The following LRRC75B variants were observed in gnomAD, a reference collection of about 807,000 sequenced individuals.
The protein encoded by LRRC75B is leucine rich repeat containing 75B.
Under a neutral mutation model 16.5 loss-of-function variants are expected in LRRC75B, and 20 were observed. That is an observed-to-expected ratio of 1.21 (90% CI 0.85 to 1.76). The LOEUF is 1.76. Among genes scored for constraint, LRRC75B ranks in the 40% most tolerant of loss-of-function variants. LRRC75B has a pLI of 0.00. For synonymous variants in LRRC75B, 199 were observed against 198.1 expected (o/e 1.00, Z -0.04); for missense variants, 406 against 417.0 (o/e 0.97, Z 0.23).
In LRRC75B at chr22:24,586,976, A is replaced by G. The variant is rs143134305; in HGVS notation, c.423-565T>C. Among the ~76,000 whole-genome samples the G allele has an allele frequency of 3.2e-4, 49 of 152,180 alleles. No individual in the cohort carries two copies. The East Asian group carries it at 9.3e-3, about 29-fold the overall frequency. On this transcript the variant is annotated intron_variant, in intron 3 of 3. Transcript: ENST00000318753. ...TTCATGAACTATTATTTGAAATCTC[A>G]CTGTGTGCCCAGCATCCCACACCTG... is the stretch of plus-strand genomic sequence containing the variant.
At chr22:24,592,425 T>G (rs920900334) in intron 1 of LRRC75B, 2 of 470,472 alleles carry the variant, frequency 4.3e-6, no homozygotes, top group South Asian at 3.1e-5. Context: ...TCCCGGATCC[T>G]GGAGGAGGGG....
chr22:24,592,545 A>T, intron 1 of LRRC75B: 1 of 440,678 alleles, frequency 2.3e-6, no homozygotes, highest in Non-Finnish European at 4.4e-6. Flanking sequence ...TCTTAGGTCC[A>T]GGCTACCGGG....
intron 1 of LRRC75B, among the ~76,000 whole-genome samples, chr22:24,591,392 T>C (rs2045563245): frequency 6.6e-6 from 1 of 152,218 alleles, no homozygotes; most frequent in Non-Finnish European, 1.5e-5. Flanking sequence ...AGGGTCTCTT[T>C]AGAGGACATT....
At position 24,593,013 on chromosome 22, in the gene LRRC75B, G is replaced by A; in HGVS notation, c.27C>T (p.Ala9=). MGARLGRR[A]GPEAGSEAGA... Reference sequence around the variant, plus strand: ...CGGCCTCAGAGCCAGCCTCGGGCCCGGCCCGCCGGCCCAGCCGCGCCCCCA... The same window carrying A: ...CGGCCTCAGAGCCAGCCTCGGGCCCAGCCCGCCGGCCCAGCCGCGCCCCCA... Residue 9 remains alanine, a synonymous_variant, in exon 1 of 4, where the codon GCC becomes GCT. Transcript: ENST00000318753. 9.2e-7 allele frequency: 1 copy of A among 1,091,986 alleles called. No individual in the cohort carries two copies. Among genetic ancestry groups the A allele is most frequent in the Non-Finnish European group, 1.1e-6 (1 of 899,562 alleles). 67.6% of individuals were successfully genotyped at this position (1,091,986 alleles called of 1,614,324 possible). A position where few individuals can be genotyped will look rare whatever the true frequency, so the allele number is the denominator to read the frequency against.
At chr22:24,589,065 G>A (rs2045488248) in intron 2 of LRRC75B, 1 of 1,035,002 alleles carries the variant, frequency 9.7e-7, no homozygotes, top group Non-Finnish European at 1.2e-6. Context: ...TGGGCTAGGC[G>A]CAGAGTCCTA....
Position 24,592,625 on chromosome 22 carries a change from C to A in LRRC75B, c.177+238G>T, listed in dbSNP as rs1352491201. The A allele has an allele frequency of 1.5e-5, 9 of 586,764 alleles. No homozygotes were observed. In the East Asian group the frequency reaches 3.5e-4, roughly 23 times the overall value. 36.3% of individuals were successfully genotyped at this position (586,764 alleles called of 1,614,324 possible). On this transcript the variant is annotated intron_variant, in intron 1 of 3. Coordinates refer to ENST00000318753, the MANE Select transcript of LRRC75B (RefSeq NM_207644.3). Reference sequence around the variant, plus strand: ...ACACACTCAGCAGCCCCCTCCTCCACACGGTCCGCCGACCTCACCCAGCCC... The same window carrying A: ...ACACACTCAGCAGCCCCCTCCTCCAAACGGTCCGCCGACCTCACCCAGCCC...
chr22:24,589,094 A>T, intron 2 of LRRC75B: 1 of 1,096,570 alleles, frequency 9.1e-7, no homozygotes. Context: ...CTGTGCAGAG[A>T]CCTGGGCATT....
intron 2 of LRRC75B, 55 bp from the exon 3 acceptor site, chr22:24,588,384 G>A: frequency 7.1e-7 from 1 of 1,402,654 alleles, no homozygotes; most frequent in Non-Finnish European, 1.0e-6. Context: ...CCCACCTCAG[G>A]GCCTTGGGGA....
rs1406743240 is a variant in LRRC75B at position 24,586,147 on chromosome 22, A to C, written c.687T>G (p.Thr229=). ...ACTTGGTGGTGTCCTTGATGGCATC[A>C]GTGAGCTTGCGGGCAGTGGCCCGCG... The part of the protein sequence containing the change: ...RLTRATARKL[T]DAIKDTTKFP... Residue 229 remains threonine, a synonymous_variant, in exon 4 of 4, where the codon ACT becomes ACG. Coordinates refer to ENST00000318753, the MANE Select transcript of LRRC75B (RefSeq NM_207644.3). 2.5e-6 allele frequency: 4 copies of C among 1,613,388 alleles called. No homozygotes were observed. Among genetic ancestry groups the C allele is most frequent in the Non-Finnish European group, 3.4e-6 (4 of 1,179,980 alleles).
At chr22:24,588,429 C>T (rs1569036449) in intron 2 of LRRC75B, 100 bp from the exon 3 acceptor site, 6 of 912,686 alleles carry the variant, frequency 6.6e-6, no homozygotes, top group South Asian at 4.4e-5. Context: ...TGTGTGAGCA[C>T]AGTCATGCAC....
At chr22:24,589,328 AC>A in intron 2 of LRRC75B, 2 of 1,167,090 alleles carry the variant, frequency 1.7e-6, no homozygotes, top group Non-Finnish European at 2.2e-6. Flanking sequence ...CTTGCTTATG[AC>A]CCCAGCTGTT....
chr22:24,586,417 GGA>G lies in LRRC75B; in HGVS notation c.423-8_423-7del, dbSNP rs1233382966. The G allele has an allele frequency of 6.2e-7, 1 of 1,604,662 alleles. No homozygotes were observed. Among genetic ancestry groups the G allele is most frequent in the Non-Finnish European group, 8.5e-7 (1 of 1,174,284 alleles). The stretch of plus-strand genomic sequence containing the variant: ...TCTGGAGGCTGCTCTTGAGGCTATG[GGA>G]GAGTGGCAGGTGGGGATGGACTAGG... On this transcript the variant is annotated splice_region_variant and splice_polypyrimidine_tract_variant and intron_variant, in intron 3 of 3. Coordinates refer to ENST00000318753, the MANE Select transcript of LRRC75B (RefSeq NM_207644.3).
intron 3 of LRRC75B, among the ~76,000 whole-genome samples, chr22:24,587,739 G>A (rs2045440357): frequency 6.6e-6 from 1 of 152,214 alleles, no homozygotes; most frequent in African/African-American, 2.4e-5. Flanking sequence ...CAGTGGCAAA[G>A]AATTCCCAAC....
Position 24,586,180 on chromosome 22 carries a change from G to A in LRRC75B, c.654C>T (p.Asn218=). The A allele has an allele frequency of 6.2e-7, 1 of 1,613,728 alleles. No homozygotes were observed. Among genetic ancestry groups the A allele is most frequent in the Non-Finnish European group, 8.5e-7 (1 of 1,179,998 alleles). Reference sequence around the variant, plus strand: ...TGCGGGCAGTGGCCCGCGTCAGTCGGTTGCCGTTGAGCAGGAGCTGGGTGA... The same window carrying A: ...TGCGGGCAGTGGCCCGCGTCAGTCGATTGCCGTTGAGCAGGAGCTGGGTGA... ...PRLTQLLLNG[N]RLTRATARKL... Residue 218 remains asparagine, a synonymous_variant, in exon 4 of 4, where the codon AAC becomes AAT. Coordinates refer to ENST00000318753, the MANE Select transcript of LRRC75B (RefSeq NM_207644.3).
chr22:24,586,175 A>T lies in LRRC75B; in HGVS notation c.659T>A (p.Leu220Gln). Reference protein sequence around the residue: ...LTQLLLNGNRLTRATARKLTD... With the variant: ...LTQLLLNGNRQTRATARKLTD... ...GAGCTTGCGGGCAGTGGCCCGCGTC[A>T]GTCGGTTGCCGTTGAGCAGGAGCTG... The change falls in exon 4 of 4, where the codon CTG becomes CAG. Residue 220 changes from leucine (L) to glutamine (Q), a missense_variant. Physicochemically the swap from Leu to Gln is moderately radical, Grantham distance 113. Transcript: ENST00000318753. 2.5e-6 allele frequency: 4 copies of T among 1,613,700 alleles called. No individual in the cohort carries two copies. Among genetic ancestry groups the T allele is most frequent in the Non-Finnish European group, 3.4e-6 (4 of 1,179,982 alleles).
chr22:24,586,134 C>T lies in LRRC75B; in HGVS notation c.700G>A (p.Asp234Asn). Residue 234 changes from aspartate (D) to asparagine (N), a missense_variant, in exon 4 of 4, where the codon GAC becomes AAC. Asp to Asn is a conservative substitution (Grantham distance 23). Transcript: ENST00000318753. ...GCCAAAGCAGGGAACTTGGTGGTGTCCTTGATGGCATCAGTGAGCTTGCGG... is the reference window on the plus strand; with the variant it reads ...GCCAAAGCAGGGAACTTGGTGGTGTTCTTGATGGCATCAGTGAGCTTGCGG... Reference protein sequence around the residue: ...TARKLTDAIKDTTKFPALAWV... With the variant: ...TARKLTDAIKNTTKFPALAWV... 1 of 1,613,342 alleles carries T rather than the reference C, an allele frequency of 6.2e-7. No homozygotes were observed. The highest frequency in any genetic ancestry group is 8.5e-7 in the Non-Finnish European group (1 of 1,179,972).
At position 24,586,140 on chromosome 22, in the gene LRRC75B, T is replaced by C. The variant is rs2045385393; in HGVS notation, c.694A>G (p.Ile232Val). Reference sequence around the variant, plus strand: ...GCAGGGAACTTGGTGGTGTCCTTGATGGCATCAGTGAGCTTGCGGGCAGTG... The same window carrying C: ...GCAGGGAACTTGGTGGTGTCCTTGACGGCATCAGTGAGCTTGCGGGCAGTG... ...RATARKLTDAIKDTTKFPALA... is the reference protein window; with the variant it reads ...RATARKLTDAVKDTTKFPALA... The change falls in exon 4 of 4, where the codon ATC becomes GTC. Residue 232 changes from isoleucine to valine, a missense_variant. Transcript: ENST00000318753. The C allele has an allele frequency of 1.2e-6, 2 of 1,613,276 alleles. No homozygotes were observed. The highest frequency in any genetic ancestry group is 1.7e-6 in the Non-Finnish European group (2 of 1,179,968).
At chr22:24,589,291 A>G in intron 2 of LRRC75B, 2 of 1,230,718 alleles carry the variant, frequency 1.6e-6, no homozygotes, top group Admixed American at 3.2e-5. Context: ...TGCAGGTGGC[A>G]AACTCCACCC....
chr22:24,592,168 G>C (rs1004706213), intron 1 of LRRC75B: 1 of 399,764 alleles, frequency 2.5e-6, no homozygotes, highest in African/African-American at 2.1e-5. Context: ...TGATTGGGGG[G>C]ACCAGCATCC....
Sources: gnomAD v4.1 joint callset for allele counts (sites outside exome capture counted in the v4.1 genomes callset) on GRCh38, gnomAD v4.1.1 for gene constraint, MANE v1.5 for transcripts, NCBI Gene and HGNC (gene_info 2026-07-23, HGNC 2026-07-21) for gene names.